MEGF8: variants seen among roughly 807,000 people sequenced by gnomAD.
The protein encoded by MEGF8 is multiple EGF like domains 8, also known as multiple epidermal growth factor-like domains protein 8.
Under a neutral mutation model 302.9 loss-of-function variants are expected in MEGF8, and 156 were observed. The ratio of observed to expected loss-of-function variants is 0.52; its 90% CI spans 0.45 to 0.59. The LOEUF is 0.59. MEGF8 is among the 20% of genes least tolerant of loss of function. The pLI is 0.00. For missense variants in MEGF8, 3,345 were observed against 3,964.5 expected, an observed-to-expected ratio of 0.84 and a Z score of 4.20; for synonymous variants, 1,621 against 1,660.5, an observed-to-expected ratio of 0.98 and a Z score of 0.58.
Position 42,358,351 on chromosome 19 carries a change from G to A in MEGF8, c.5175+44G>A. The A allele has an allele frequency of 6.5e-7, 1 of 1,540,052 alleles. No homozygotes were observed. The highest frequency in any genetic ancestry group is 2.5e-5 in the East Asian group (1 of 40,630). ...GACCCAAGGATGTATGGGGCAGGAG[G>A]GAGGGGTCCTCTTTCCCAGTGCCCC... On this transcript the variant is annotated intron_variant, in intron 29 of 41. Coordinates refer to ENST00000251268, the MANE Select transcript of MEGF8 (RefSeq NM_001271938.2). This position sits in a 1 kb window ranked among gnomAD's most constrained non-coding sequence, Gnocchi z 4.4.
rs370064427 is a variant in MEGF8 at position 42,333,678 on chromosome 19, C to T, written c.261C>T (p.Phe87=). 10 of 1,613,840 alleles carry T rather than the reference C, an allele frequency of 6.2e-6. No individual in the cohort carries two copies. The highest frequency in any genetic ancestry group is 2.7e-5 in the African/African-American group (2 of 74,912). The change falls in exon 2 of 42, where the codon TTC becomes TTT. Residue 87 remains phenylalanine, a synonymous_variant. Transcript: ENST00000251268. ...CAGAGTGCACGTATGACTACCTGTT[C>T]GTGTATGACGGTGACTCCCCGCGAG... ...LDTECTYDYL[F]VYDGDSPRGP...
At chr19:42,329,960 C>T (rs750040363) in intron 1 of MEGF8, among the ~76,000 whole-genome samples, 17 of 149,800 alleles carry the variant, frequency 1.1e-4, no homozygotes, top group Non-Finnish European at 2.1e-4. Context: ...TTTTTTTTTC[C>T]GAGAGAGAAT....
intron 32 of MEGF8, 32 bp from the exon 33 acceptor site, chr19:42,362,058 G>A: frequency 6.2e-7 from 1 of 1,608,334 alleles, no homozygotes; most frequent in South Asian, 1.1e-5. Flanking sequence ...GGTCTGGATG[G>A]GTGTGAGTGA....
Position 42,371,602 on chromosome 19 carries a change from G to T in MEGF8, c.7269+120G>T, listed in dbSNP as rs557727274. On this transcript the variant is annotated intron_variant, in intron 41 of 41. Coordinates refer to ENST00000251268, the MANE Select transcript of MEGF8 (RefSeq NM_001271938.2). ...CATGGTTCCAAATCAGTGGTTTTGG[G>T]ATCAAGTGCAGCTTGACAGACTGTT... is the stretch of plus-strand genomic sequence containing the variant. 6 of 1,379,834 alleles carry T rather than the reference G, an allele frequency of 4.3e-6. No individual in the cohort carries two copies. The South Asian group carries it at 7.8e-5, about 18-fold the overall frequency. 85.5% of individuals were successfully genotyped at this position (1,379,834 alleles called of 1,614,324 possible).
At position 42,375,872 on chromosome 19, in the gene MEGF8, G is replaced by A. The variant is rs1421363877; in HGVS notation, c.7635G>A (p.Gly2545=). 6.2e-7 allele frequency: 1 copy of A among 1,606,430 alleles called. No homozygotes were observed. Among genetic ancestry groups the A allele is most frequent in the South Asian group, 1.1e-5 (1 of 90,334 alleles). Reference sequence around the variant, plus strand: ...CCCCTGCAGATGGTGGGCCCCGGGGGGCTGGGGATCCAGGAGGAGCAGGGG... The same window carrying A: ...CCCCTGCAGATGGTGGGCCCCGGGGAGCTGGGGATCCAGGAGGAGCAGGGG... ...PPPPADGGPR[G]AGDPGGAGAS... The change falls in exon 42 of 42, where the codon GGG becomes GGA. Residue 2545 remains glycine, a synonymous_variant. Transcript: ENST00000251268. This position sits in a 1 kb window ranked among gnomAD's most constrained non-coding sequence, Gnocchi z 7.1.
Position 42,351,467 on chromosome 19 carries a change from A to C in MEGF8, c.2894A>C (p.Gln965Pro). 5 of 1,602,050 alleles carry C rather than the reference A, an allele frequency of 3.1e-6. No individual in the cohort carries two copies. Among genetic ancestry groups the C allele is most frequent in the Non-Finnish European group, 4.3e-6 (5 of 1,174,702 alleles). The stretch of plus-strand genomic sequence containing the variant: ...GAGGACTGCCTGGCCAACTCTAGCC[A>C]GTGCGCCTGGTGCCAGTCCACCCAC... ...TCEDCLANSS[Q>P]CAWCQSTHTC... Residue 965 changes from glutamine to proline, a missense_variant, in exon 17 of 42, where the codon CAG (glutamine) becomes CCG (proline). By Grantham distance (76) the Gln-to-Pro change is moderately conservative. Transcript: ENST00000251268. The surrounding 1 kb of genome is among the most constrained non-coding windows in gnomAD (Gnocchi z 5.6).
At chr19:42,365,626 G>A (rs1400480116) in intron 35 of MEGF8, among the ~76,000 whole-genome samples, 2 of 150,070 alleles carry the variant, frequency 1.3e-5, no homozygotes, top group Non-Finnish European at 3.0e-5. Flanking sequence ...AAAAAAATTA[G>A]CCAGGCATAG....
Position 42,358,041 on chromosome 19 carries a change from A to G in MEGF8, c.5012-103A>G. The G allele has an allele frequency of 8.5e-7, 1 of 1,182,288 alleles. No individual in the cohort carries two copies. The highest frequency in any genetic ancestry group is 1.1e-6 in the Non-Finnish European group (1 of 884,376). 73.2% of individuals were successfully genotyped at this position (1,182,288 alleles called of 1,614,324 possible). ...GAGGGGCTCCCAGGCCTCCAGTCTC[A>G]GGGCCGGGGAAGGGAGTGGTCACCG... is the stretch of plus-strand genomic sequence containing the variant. On this transcript the variant is annotated intron_variant, in intron 28 of 41. Coordinates refer to ENST00000251268, the MANE Select transcript of MEGF8 (RefSeq NM_001271938.2). This position sits in a 1 kb window ranked among gnomAD's most constrained non-coding sequence, Gnocchi z 4.4.
intron 12 of MEGF8, among the ~76,000 whole-genome samples, chr19:42,346,122 G>C (rs368383489): frequency 6.6e-6 from 1 of 152,236 alleles, no homozygotes; most frequent in South Asian, 2.1e-4. Flanking sequence ...GCATGGTCTC[G>C]ATCTCCTGAC....
chr19:42,334,319 C>A, intron 3 of MEGF8, 106 bp downstream of exon 3: 1 of 1,054,842 alleles, frequency 9.5e-7, no homozygotes, highest in Non-Finnish European at 1.3e-6. Context: ...ACTCCCCCCA[C>A]CACCCCACCC....
intron 23 of MEGF8, among the ~76,000 whole-genome samples, chr19:42,355,278 T>C (rs981360796): frequency 6.6e-6 from 1 of 152,160 alleles, no homozygotes; most frequent in African/African-American, 2.4e-5. Context: ...ATAACTTTAT[T>C]GAGGCATATT....
chr19:42,343,365 GA>G, intron 8 of MEGF8, 111 bp from the exon 9 acceptor site: 1 of 1,269,182 alleles, frequency 7.9e-7, no homozygotes, highest in South Asian at 1.7e-5. Context: ...AGGTGAGGTT[GA>G]AGCAGCCACC....
In MEGF8 at chr19:42,352,596, C is replaced by A; in HGVS notation, c.3350+140C>A. On this transcript the variant is annotated intron_variant, in intron 19 of 41. Transcript: ENST00000251268. This position sits in a 1 kb window ranked among gnomAD's most constrained non-coding sequence, Gnocchi z 4.4. ...TAGCCAGGGGTTTTTACCTTGCACA[C>A]TAGGTCCTTATTAGAGTGACAGGGT... is the stretch of plus-strand genomic sequence containing the variant. 1 of 1,133,310 alleles carries A rather than the reference C, an allele frequency of 8.8e-7. No individual in the cohort carries two copies. The highest frequency in any genetic ancestry group is 1.2e-6 in the Non-Finnish European group (1 of 816,270). 70.2% of individuals were successfully genotyped at this position (1,133,310 alleles called of 1,614,324 possible). A position where few individuals can be genotyped will look rare whatever the true frequency, so the allele number is the denominator to read the frequency against.
In MEGF8 at chr19:42,344,576, C is replaced by T. The variant is rs748593827; in HGVS notation, c.1924C>T (p.Pro642Ser). The change falls in exon 11 of 42, where the codon CCT (proline) becomes TCT (serine). Residue 642 changes from proline (P) to serine (S), a missense_variant. Coordinates refer to ENST00000251268, the MANE Select transcript of MEGF8 (RefSeq NM_001271938.2). This position sits in a 1 kb window ranked among gnomAD's most constrained non-coding sequence, Gnocchi z 4.5. ...GWCVHNESCL[P>S]RPEQARCRGE... ...GTGCGTGCACAATGAGAGCTGCCTC[C>T]CTAGGCCTGGTGAGTGTCCGCAGCA... 1 of 1,594,348 alleles carries T rather than the reference C, an allele frequency of 6.3e-7. No homozygotes were observed. Among genetic ancestry groups the T allele is most frequent in the Admixed American group, 1.7e-5 (1 of 59,216 alleles).
At position 42,362,392 on chromosome 19, in the gene MEGF8, C is replaced by A. The variant is rs754567747; in HGVS notation, c.5853C>A (p.Thr1951=). ...TLQPGDGEAS[T]PRCKWCTNCP... is the part of the protein sequence containing the mutation. ...CTGTCTTCCCTCACCAGGCGTCCAC[C>A]CCCCGCTGTAAGTGGTGTACCAACT... Residue 1951 remains threonine, a synonymous_variant, in exon 34 of 42, where the codon ACC becomes ACA. Transcript: ENST00000251268. The A allele has an allele frequency of 6.2e-6, 10 of 1,613,788 alleles. No homozygotes were observed. The Admixed American group carries it at 6.7e-5, about 11-fold the overall frequency.
chr19:42,342,251 G>GA (rs1227634510), intron 8 of MEGF8, among the ~76,000 whole-genome samples: 6 of 152,338 alleles, frequency 3.9e-5, no homozygotes, highest in African/African-American at 1.4e-4. Flanking sequence ...GTCAGTAAGA[G>GA]GGTAGGGAAG....
At chr19:42,361,052 A>C in intron 32 of MEGF8, 46 bp downstream of exon 32, 1 of 1,507,170 alleles carries the variant, frequency 6.6e-7, no homozygotes, top group East Asian at 2.3e-5. Context: ...GAGCCCTCTA[A>C]TGGGGGTCCT....
rs115157984 is a variant in MEGF8 at position 42,370,131 on chromosome 19, G to A, written c.6835-58G>A. 3,683 of 1,533,898 alleles carry A rather than the reference G, an allele frequency of 2.4e-3. 71 individuals carry two copies. In the African/African-American group the frequency reaches 0.043, roughly 18 times the overall value. Reference sequence around the variant, plus strand: ...CAGAACCTGCCCCTGTGCCCCCAACGCCCTCCTACCCCTGATGACTCTCCA... The same window carrying A: ...CAGAACCTGCCCCTGTGCCCCCAACACCCTCCTACCCCTGATGACTCTCCA... On this transcript the variant is annotated intron_variant, in intron 38 of 41. Coordinates refer to ENST00000251268, the MANE Select transcript of MEGF8 (RefSeq NM_001271938.2).
At chr19:42,331,557 C>G (rs2039054579) in intron 1 of MEGF8, among the ~76,000 whole-genome samples, 1 of 152,090 alleles carries the variant, frequency 6.6e-6, no homozygotes, top group Admixed American at 6.5e-5. Context: ...TATGTGGGCC[C>G]CATTGTCAAC....
Sources: allele counts gnomAD v4.1 joint callset (sites outside exome capture counted in the v4.1 genomes callset), GRCh38; gene constraint gnomAD v4.1.1; non-coding constraint Gnocchi (gnomAD v3.1); transcripts MANE v1.5; gene names NCBI Gene and HGNC (gene_info 2026-07-23, HGNC 2026-07-21).